Variants in CNTNAP2 observed in about 807,000 individuals in gnomAD.
CNTNAP2 encodes contactin-associated protein-like 2.
In CNTNAP2, 98 loss-of-function variants were observed where a neutral mutation model predicts 155.2. The observed-to-expected ratio is 0.63, with a 90% CI of 0.54 to 0.75. The LOEUF is 0.75. CNTNAP2 is among the 30% of genes least tolerant of loss of function. The pLI is 0.00. For missense variants in CNTNAP2, 1,727 were observed against 1,688.1 expected (o/e 1.02, Z -0.40); for synonymous variants, 651 against 631.2 (o/e 1.03, Z -0.47).
intron 1 of CNTNAP2, among the ~76,000 whole-genome samples, chr7:146,430,259 G>C (rs1356769051): frequency 1.3e-5 from 2 of 151,736 alleles, no homozygotes; most frequent in Non-Finnish European, 2.9e-5. Flanking sequence ...AGTGCATGGA[G>C]GAAGTCTACT....
intron 21 of CNTNAP2, among the ~76,000 whole-genome samples, chr7:148,372,832 A>C (rs1688711312): frequency 6.6e-6 from 1 of 152,244 alleles, no homozygotes; most frequent in African/African-American, 2.4e-5. Flanking sequence ...CACTTAGATT[A>C]AAACACAAAC....
chr7:147,690,199 C>A (rs1040954847), intron 13 of CNTNAP2, among the ~76,000 whole-genome samples: 2 of 152,168 alleles, frequency 1.3e-5, no homozygotes, highest in South Asian at 2.1e-4. Flanking sequence ...CCTTGCTCGG[C>A]TGGCAGTTTC....
chr7:147,449,695 G>T (rs892117222), intron 10 of CNTNAP2, among the ~76,000 whole-genome samples: 1 of 152,046 alleles, frequency 6.6e-6, no homozygotes, highest in African/African-American at 2.4e-5. Flanking sequence ...TTGATTTAAG[G>T]TGGAAAAAAA....
intron 15 of CNTNAP2, among the ~76,000 whole-genome samples, chr7:147,990,274 A>T (rs1801687692): frequency 6.6e-6 from 1 of 152,230 alleles, no homozygotes; most frequent in Admixed American, 6.5e-5. Context: ...AGTTAAAGAA[A>T]GAGGAAAGAA....
chr7:147,635,184 CTA>C lies in CNTNAP2; in HGVS notation c.1898-3906_1898-3905del, dbSNP rs57395379. On this transcript the variant is annotated intron_variant, in intron 12 of 23. Transcript: ENST00000361727. ...TCTCCCAGCCATTATCACTGGCAAA[CTA>C]TATATATATATATATGTTTAATTTT... is the stretch of plus-strand genomic sequence containing the variant. Among the ~76,000 whole-genome samples, 146 of 136,990 alleles carry C rather than the reference CTA, an allele frequency of 1.1e-3. 4 individuals are homozygous for C. Among genetic ancestry groups the C allele is most frequent in the African/African-American group, 3.2e-3 (104 of 32,100 alleles). 89.9% of individuals were successfully genotyped at this position (136,990 alleles called of 152,430 possible). A position where few individuals can be genotyped will look rare whatever the true frequency, so the allele number is the denominator to read the frequency against.
At chr7:147,534,725 C>A (rs550239098) in intron 11 of CNTNAP2, among the ~76,000 whole-genome samples, 1 of 152,256 alleles carries the variant, frequency 6.6e-6, no homozygotes, top group Non-Finnish European at 1.5e-5. Flanking sequence ...GCAATAAAAA[C>A]AAGTGATAAT....
At chr7:146,912,267 A>G (rs1434648691) in intron 3 of CNTNAP2, among the ~76,000 whole-genome samples, 1 of 150,190 alleles carries the variant, frequency 6.7e-6, no homozygotes, top group Non-Finnish European at 1.5e-5. Flanking sequence ...CATTAAAAAT[A>G]CATGTAACCA....
chr7:146,668,624 G>A (rs979845878), intron 1 of CNTNAP2, among the ~76,000 whole-genome samples: 1 of 152,044 alleles, frequency 6.6e-6, no homozygotes, highest in Non-Finnish European at 1.5e-5. Context: ...AAGCCATCCA[G>A]TTAAGTACTT....
intron 1 of CNTNAP2, among the ~76,000 whole-genome samples, chr7:146,123,100 C>G (rs188859239): frequency 6.6e-6 from 1 of 152,172 alleles, no homozygotes; most frequent in East Asian, 1.9e-4. Flanking sequence ...AGTAGGAAAT[C>G]TAGATATAAA....
chr7:146,416,282 A>G (rs1639502), intron 1 of CNTNAP2, among the ~76,000 whole-genome samples: 5,374 of 150,318 alleles, frequency 0.036, 342 homozygotes, highest in African/African-American at 0.12. Context: ...ATACCTATAT[A>G]TATACCTATA....
At chr7:147,301,767 AAGACTT>A (rs564451949) in intron 9 of CNTNAP2, among the ~76,000 whole-genome samples, 56 of 152,192 alleles carry the variant, frequency 3.7e-4, no homozygotes, top group South Asian at 2.3e-3. Context: ...ATATTTATGA[AAGACTT>A]AGTAAATTCT....
chr7:146,936,386 C>T (rs1429060032), intron 3 of CNTNAP2, among the ~76,000 whole-genome samples: 2 of 152,126 alleles, frequency 1.3e-5, no homozygotes, highest in Admixed American at 1.3e-4. Flanking sequence ...AAGGAGGTAC[C>T]ATCTACTCAA....
chr7:146,823,336 T>A (rs868535672), intron 2 of CNTNAP2, among the ~76,000 whole-genome samples: 2,319 of 121,008 alleles, frequency 0.019, 1 homozygote, highest in African/African-American at 0.12. Context: ...CTTCAGTATA[T>A]TTCCATGTAA....
intron 1 of CNTNAP2, among the ~76,000 whole-genome samples, chr7:146,550,988 T>C (rs114145561): frequency 6.6e-6 from 1 of 151,920 alleles, no homozygotes; most frequent in Admixed American, 6.6e-5. Flanking sequence ...ACAGGCATGA[T>C]TGCGGGAAAA....
At chr7:147,189,852 C>G (rs1430443395) in intron 8 of CNTNAP2, among the ~76,000 whole-genome samples, 1 of 152,088 alleles carries the variant, frequency 6.6e-6, no homozygotes, top group Non-Finnish European at 1.5e-5. Flanking sequence ...TCACACCATT[C>G]TCCTGCCTCA....
At chr7:146,587,036 T>A (rs1798702921) in intron 1 of CNTNAP2, among the ~76,000 whole-genome samples, 1 of 129,564 alleles carries the variant, frequency 7.7e-6, no homozygotes, top group Non-Finnish European at 1.5e-5. Flanking sequence ...TTGTTTTATT[T>A]TTTTTTTTTT....
intron 1 of CNTNAP2, among the ~76,000 whole-genome samples, chr7:146,135,255 T>G (rs1414178480): frequency 6.6e-6 from 1 of 152,070 alleles, no homozygotes. Flanking sequence ...CTCATTTTTA[T>G]TTTGGGTATA....
chr7:146,828,688 A>T (rs1048131736), intron 2 of CNTNAP2, among the ~76,000 whole-genome samples: 14 of 152,142 alleles, frequency 9.2e-5, no homozygotes, highest in African/African-American at 3.1e-4. Context: ...TTTTCAGGAC[A>T]TTAAAAAAAT....
At chr7:147,117,851 G>A (rs1285358188) in intron 5 of CNTNAP2, among the ~76,000 whole-genome samples, 1 of 152,036 alleles carries the variant, frequency 6.6e-6, no homozygotes, top group Non-Finnish European at 1.5e-5. Context: ...TGATCTGATA[G>A]ACACAATAGC....
Sources: allele counts gnomAD v4.1 joint callset (sites outside exome capture counted in the v4.1 genomes callset), GRCh38; gene constraint gnomAD v4.1.1; transcripts MANE v1.5; gene names NCBI Gene and HGNC (gene_info 2026-07-23, HGNC 2026-07-21).